The following ATF6 variants were observed in gnomAD, a reference collection of about 807,000 sequenced individuals.
The protein encoded by ATF6 is cyclic AMP-dependent transcription factor ATF-6 alpha.
ATF6 carries 53 observed loss-of-function variants against 83.6 expected under a neutral mutation model. The observed-to-expected ratio is 0.63, with a 90% confidence interval of 0.51 to 0.80. The LOEUF is 0.80. ATF6 is among the 30% of genes least tolerant of loss of function. The probability of loss-of-function intolerance (pLI) is 0.00; values close to 1 mark genes in which losing one functional copy is unlikely to be tolerated. For missense variants in ATF6, 744 were observed against 797.9 expected, an observed-to-expected ratio of 0.93 and a Z score of 0.81; for synonymous variants, 288 against 285.8, an observed-to-expected ratio of 1.01 and a Z score of -0.08.
intron 14 of ATF6, among the ~76,000 whole-genome samples, chr1:161,870,611 A>G (rs1687101566): frequency 6.6e-6 from 1 of 151,820 alleles, no homozygotes; most frequent in Non-Finnish European, 1.5e-5. Context: ...TCCTTGTTAA[A>G]TGTGAGTTAC....
chr1:161,873,297 G>T (rs959638206), intron 14 of ATF6, among the ~76,000 whole-genome samples: 2 of 151,418 alleles, frequency 1.3e-5, no homozygotes, highest in Non-Finnish European at 3.0e-5. Context: ...TATGTAAATG[G>T]TTTTATAATT....
intron 15 of ATF6, among the ~76,000 whole-genome samples, chr1:161,935,115 C>G (rs895160509): frequency 4.6e-5 from 7 of 152,088 alleles, no homozygotes; most frequent in African/African-American, 1.7e-4. Flanking sequence ...ATTTTTTATT[C>G]CATGTTGTTA....
At chr1:161,956,139 GT>G (rs1404508501) in intron 15 of ATF6, among the ~76,000 whole-genome samples, 17 of 152,172 alleles carry the variant, frequency 1.1e-4, no homozygotes, top group Admixed American at 1.1e-3. Flanking sequence ...TCTGCAGGTG[GT>G]TTGGGCTGTA....
intron 15 of ATF6, among the ~76,000 whole-genome samples, chr1:161,951,181 T>C (rs533545260): frequency 2.0e-5 from 3 of 152,332 alleles, no homozygotes; most frequent in Admixed American, 6.5e-5. Flanking sequence ...AGAAATGTCA[T>C]TGGGTCACCT....
chr1:161,810,954 A>G (rs1028613449), intron 7 of ATF6, among the ~76,000 whole-genome samples: 3 of 151,816 alleles, frequency 2.0e-5, no homozygotes, highest in Admixed American at 6.6e-5. Flanking sequence ...CTTTTTTATG[A>G]CTGAATAATA....
chr1:161,880,677 AG>A (rs1227983436), intron 14 of ATF6, among the ~76,000 whole-genome samples: 1 of 152,118 alleles, frequency 6.6e-6, no homozygotes, highest in Non-Finnish European at 1.5e-5. Flanking sequence ...TTCTACTGTT[AG>A]CTACTACAAA....
intron 15 of ATF6, among the ~76,000 whole-genome samples, chr1:161,932,662 A>C (rs1282118918): frequency 1.3e-5 from 2 of 152,242 alleles, no homozygotes; most frequent in Non-Finnish European, 2.9e-5. Flanking sequence ...CCAAAACTTT[A>C]ATGGCTTAAA....
chr1:161,931,062 C>T (rs866968691), intron 15 of ATF6, among the ~76,000 whole-genome samples: 34 of 152,078 alleles, frequency 2.2e-4, no homozygotes, highest in Non-Finnish European at 4.0e-4. Context: ...TTAGTAGAGA[C>T]GGGAGTTTCA....
intron 15 of ATF6, among the ~76,000 whole-genome samples, chr1:161,946,456 A>G (rs1423612911): frequency 1.3e-5 from 2 of 152,240 alleles, no homozygotes; most frequent in Non-Finnish European, 1.5e-5. Context: ...ATTGTTCCAT[A>G]AAAGAGCATG....
intron 14 of ATF6, among the ~76,000 whole-genome samples, chr1:161,866,944 C>G (rs1411013896): frequency 1.3e-5 from 2 of 152,026 alleles, no homozygotes; most frequent in Non-Finnish European, 2.9e-5. Context: ...GAGATGGGGT[C>G]TCACTTTGTT....
chr1:161,825,146 G>A (rs2101791151), intron 9 of ATF6, among the ~76,000 whole-genome samples: 1 of 152,202 alleles, frequency 6.6e-6, no homozygotes, highest in African/African-American at 2.4e-5. Flanking sequence ...TGTGATCGTA[G>A]CTCACTGCAG....
At chr1:161,930,541 A>C (rs547007811) in intron 15 of ATF6, among the ~76,000 whole-genome samples, 1 of 152,358 alleles carries the variant, frequency 6.6e-6, no homozygotes, top group South Asian at 2.1e-4. Context: ...CATTTATTAT[A>C]AAGAGGAGAA....
intron 14 of ATF6, among the ~76,000 whole-genome samples, chr1:161,871,406 G>T (rs907241478): frequency 1.3e-5 from 2 of 151,144 alleles, no homozygotes; most frequent in Admixed American, 6.6e-5. Flanking sequence ...TTACTATCTG[G>T]GTGACCAAAT....
At chr1:161,793,158 T>A (rs755184433) in intron 6 of ATF6, among the ~76,000 whole-genome samples, 1 of 152,216 alleles carries the variant, frequency 6.6e-6, no homozygotes, top group East Asian at 1.9e-4. Flanking sequence ...GTAGCTCGTT[T>A]TTTGGAGCAT....
chr1:161,837,667 A>G (rs150877113), intron 9 of ATF6, among the ~76,000 whole-genome samples: 54 of 151,476 alleles, frequency 3.6e-4, no homozygotes, highest in African/African-American at 1.3e-3. Context: ...AAATGGAAAT[A>G]AGGCAGTTGG....
chr1:161,869,683 A>G (rs1314093809), intron 14 of ATF6, among the ~76,000 whole-genome samples: 1 of 151,878 alleles, frequency 6.6e-6, no homozygotes, highest in East Asian at 1.9e-4. Flanking sequence ...AAAGCACATT[A>G]TAAAAAAATA....
intron 6 of ATF6, among the ~76,000 whole-genome samples, chr1:161,797,630 C>T (rs1685052057): frequency 6.6e-6 from 1 of 152,048 alleles, no homozygotes; most frequent in Non-Finnish European, 1.5e-5. Context: ...TGAAAGATCT[C>T]TACAATGAGT....
chr1:161,910,371 C>G (rs1687966281), intron 14 of ATF6, among the ~76,000 whole-genome samples: 1 of 152,146 alleles, frequency 6.6e-6, no homozygotes, highest in Non-Finnish European at 1.5e-5. Context: ...GGCAGGTTAA[C>G]TGTAATAATT....
intron 7 of ATF6, among the ~76,000 whole-genome samples, chr1:161,806,920 A>G (rs1044818734): frequency 2.6e-5 from 4 of 152,110 alleles, no homozygotes; most frequent in Admixed American, 6.5e-5. Context: ...GTATTGTTCT[A>G]TGGGAGTGAT....
Sources: allele counts gnomAD v4.1 joint callset (sites outside exome capture counted in the v4.1 genomes callset), GRCh38; gene constraint gnomAD v4.1.1; transcripts MANE v1.5; gene names NCBI Gene and HGNC (gene_info 2026-07-23, HGNC 2026-07-21).